TMEM192: variants seen among roughly 807,000 people sequenced by gnomAD.
TMEM192 encodes the protein transmembrane protein 192.
Under a neutral mutation model 26.7 loss-of-function variants are expected in TMEM192, and 20 were observed. The observed-to-expected ratio is 0.75, with a 90% CI of 0.53 to 1.09. The LOEUF is 1.09. Among genes scored for constraint, TMEM192 ranks in the 50% least tolerant of loss-of-function variants. The pLI is 0.00. For synonymous variants in TMEM192, 124 were observed against 121.0 expected, an observed-to-expected ratio of 1.02 and a Z score of -0.16; for missense variants, 304 against 322.6, an observed-to-expected ratio of 0.94 and a Z score of 0.44.
rs141009367 is a variant in TMEM192, at chr4:165,085,681, G to T, written c.582C>A (p.Ile194=). The T allele has an allele frequency of 1.9e-6, 3 of 1,595,080 alleles. No individual in the cohort carries two copies. The African/African-American group carries it at 4.0e-5, about 22-fold the overall frequency. Residue 194 remains isoleucine, a synonymous_variant, in exon 5 of 6, where the codon ATC becomes ATA. Coordinates refer to ENST00000306480, the MANE Select transcript of TMEM192 (RefSeq NM_001100389.2). ...CTGGTTTAGCTTTATTAAATCTCCG[G>T]ATTTTCACTAAAATAATAAAGTCAT... The part of the protein sequence containing the change: ...LICLLIYTVK[I]RRFNKAKPEP...
At chr4:165,098,960 C>T (rs1734977241) in intron 3 of TMEM192, among the ~76,000 whole-genome samples, 1 of 151,968 alleles carries the variant, frequency 6.6e-6, no homozygotes, top group African/African-American at 2.4e-5. Flanking sequence ...CTTCGGCCTC[C>T]CAAAGTGCTG....
intron 4 of TMEM192, among the ~76,000 whole-genome samples, chr4:165,086,614 G>A (rs531289063): frequency 2.6e-5 from 4 of 151,878 alleles, no homozygotes; most frequent in South Asian, 4.2e-4. Context: ...CAGTAGAGAC[G>A]GTGTTTCACC....
chr4:165,080,817 C>T lies in TMEM192; in HGVS notation c.678-1021G>A, dbSNP rs926596178. 3.3e-5 allele frequency among the ~76,000 whole-genome samples: 5 copies of T among 151,976 alleles called. No individual in the cohort carries two copies. In the East Asian group the frequency reaches 7.7e-4, roughly 23 times the overall value. ...GCAACCTGCACCTCCTGGGTTTAAG[C>T]GATTCTCCTGCCTCAGCCTCCCAAG... On this transcript the variant is annotated intron_variant, in intron 5 of 5. Transcript: ENST00000306480.
rs756083102 is a variant in TMEM192, at chr4:165,079,684, G to C, written c.790C>G (p.Leu264Val). ...KRLLALTSSD[L>V]GCQPSRT is the part of the protein sequence containing the mutation. ...CACGTTCTACTTGGCTGACAGCCCAGGTCTGAGGAAGTGAGAGCCAACAAT... is the reference window on the plus strand; with the variant it reads ...CACGTTCTACTTGGCTGACAGCCCACGTCTGAGGAAGTGAGAGCCAACAAT... The change falls in exon 6 of 6, where the codon CTG (leucine) becomes GTG (valine). Residue 264 changes from leucine to valine, a missense_variant. Transcript: ENST00000306480. 8 of 1,613,324 alleles carry C rather than the reference G, an allele frequency of 5.0e-6. No individual in the cohort carries two copies. Among genetic ancestry groups the C allele is most frequent in the African/African-American group, 1.3e-5 (1 of 74,888 alleles).
intron 2 of TMEM192, 47 bp from the exon 3 acceptor site, chr4:165,100,939 A>G (rs1249341501): frequency 4.2e-6 from 6 of 1,441,900 alleles, no homozygotes; most frequent in African/African-American, 1.4e-5. Context: ...ATTTGTAATT[A>G]GGAAGCAATA....
At chr4:165,089,416 G>A (rs1734701741) in intron 3 of TMEM192, among the ~76,000 whole-genome samples, 1 of 152,036 alleles carries the variant, frequency 6.6e-6, no homozygotes. Context: ...CACCTCCCAG[G>A]TTTCACGCCA....
chr4:165,100,902 A>T lies in TMEM192; in HGVS notation c.175-10T>A. On this transcript the variant is annotated splice_polypyrimidine_tract_variant and intron_variant, in intron 2 of 5. Transcript: ENST00000306480. ...AAACAACAAACACGAGCTGGGGGAA[A>T]GGAGAGCAGAAAGATTAATATTCAA... is the stretch of plus-strand genomic sequence containing the variant. 1 of 1,603,534 alleles carries T rather than the reference A, an allele frequency of 6.2e-7. No homozygotes were observed. Among genetic ancestry groups the T allele is most frequent in the Non-Finnish European group, 8.5e-7 (1 of 1,176,010 alleles).
rs750377543 is a variant in TMEM192, at chr4:165,085,626, A to T, written c.637T>A (p.Tyr213Asn). 6.2e-7 allele frequency: 1 copy of T among 1,612,898 alleles called. No individual in the cohort carries two copies. The highest frequency in any genetic ancestry group is 1.1e-5 in the South Asian group (1 of 90,656). Reference sequence around the variant, plus strand: ...GAGGTAATATTGCTGGGGTAAGCATAGATTTTTTCTTCTTCAAGTATATCA... The same window carrying T: ...GAGGTAATATTGCTGGGGTAAGCATTGATTTTTTCTTCTTCAAGTATATCA... ...EPDILEEEKI[Y>N]AYPSNITSET... The change falls in exon 5 of 6, where the codon TAT (tyrosine) becomes AAT (asparagine). Residue 213 changes from tyrosine (Y) to asparagine (N), a missense_variant. Tyr to Asn is a moderately radical substitution (Grantham distance 143). Transcript: ENST00000306480.
In TMEM192 at chr4:165,081,777, ATTC is replaced by A. The variant is rs1417367759; in HGVS notation, c.678-1984_678-1982del. On this transcript the variant is annotated intron_variant, in intron 5 of 5. Transcript: ENST00000306480. The stretch of plus-strand genomic sequence containing the variant: ...AACCTCTGCCTCCCCGGTTCAAGCT[ATTC>A]TTCTGCCTCAGCCTCTAGGATTACA... Among the ~76,000 whole-genome samples the A allele has an allele frequency of 5.5e-5, 2 of 36,242 alleles. 1 individual carries two copies. The highest frequency in any genetic ancestry group is 2.0e-4 in the Non-Finnish European group (2 of 9,910). 23.8% of individuals were successfully genotyped at this position (36,242 alleles called of 152,430 possible).
rs1734380368 is a variant in TMEM192 at position 165,076,308 on chromosome 4, T to C, written c.*3350A>G. ...CTTTCTGCCACACATATTTCCTCCA[T>C]ATTGAACTACCATCTGATCCTGCTG... On this transcript the variant is annotated 3_prime_UTR_variant, in exon 6 of 6. Coordinates refer to ENST00000306480, the MANE Select transcript of TMEM192 (RefSeq NM_001100389.2). 6.6e-6 allele frequency: 1 copy of C among 152,176 alleles called. No homozygotes were observed. Among genetic ancestry groups the C allele is most frequent in the Admixed American group, 6.6e-5 (1 of 15,266 alleles). 9.4% of individuals were successfully genotyped at this position (152,176 alleles called of 1,614,324 possible).
Position 165,089,666 on chromosome 4 carries a change from G to A in TMEM192, c.440-1064C>T, listed in dbSNP as rs1734708435. 2.0e-5 allele frequency among the ~76,000 whole-genome samples: 3 copies of A among 152,154 alleles called. No individual in the cohort carries two copies. The South Asian group carries it at 6.2e-4, about 32-fold the overall frequency. ...TTTTATGGCCTGCTTTGGGAGAGAG[G>A]AGTCTAGTTTCTATGGCCTGCCTTT... is the stretch of plus-strand genomic sequence containing the variant. On this transcript the variant is annotated intron_variant, in intron 3 of 5. Transcript: ENST00000306480.
At chr4:165,088,348 C>A in intron 4 of TMEM192, 120 bp downstream of exon 4, 4 of 871,700 alleles carry the variant, frequency 4.6e-6, no homozygotes, top group Admixed American at 6.2e-5. Flanking sequence ...AAGAAGTCTG[C>A]ATGTGGTCAC....
intron 3 of TMEM192, among the ~76,000 whole-genome samples, chr4:165,093,909 G>GT (rs565651733): frequency 2.0e-3 from 297 of 151,804 alleles, no homozygotes; most frequent in African/African-American, 2.1e-3. Context: ...GTTTTGTTTT[G>GT]TTTTTTTGAG....
At position 165,077,741 on chromosome 4, in the gene TMEM192, T is replaced by G. The variant is rs1341149435; in HGVS notation, c.*1917A>C. ...GCCTGGGCAACAGAGCGAGACTCCG[T>G]CTGAAAAAAAAAGAAAGAAAGAAAG... On this transcript the variant is annotated 3_prime_UTR_variant, in exon 6 of 6. Coordinates refer to ENST00000306480, the MANE Select transcript of TMEM192 (RefSeq NM_001100389.2). 1 of 149,846 alleles carries G rather than the reference T, an allele frequency of 6.7e-6. No homozygotes were observed. The highest frequency in any genetic ancestry group is 2.5e-5 in the African/African-American group (1 of 40,382). The allele number at this position is 149,846 out of a possible 1,614,324, so 9.3% of individuals were successfully genotyped here.
chr4:165,089,882 T>C lies in TMEM192; in HGVS notation c.440-1280A>G, dbSNP rs1161539338. On this transcript the variant is annotated intron_variant, in intron 3 of 5. Transcript: ENST00000306480. ...TCCCAACAGGTATATTTGGTTTTTG[T>C]ATAGAGTTCCTAAAACCCTTGGAAT... Among the ~76,000 whole-genome samples, 3 of 152,180 alleles carry C rather than the reference T, an allele frequency of 2.0e-5. No homozygotes were observed. In the East Asian group the frequency reaches 5.8e-4, roughly 29 times the overall value.
chr4:165,080,410 T>TA (rs1560924926), intron 5 of TMEM192, among the ~76,000 whole-genome samples: 1 of 152,170 alleles, frequency 6.6e-6, no homozygotes, highest in Admixed American at 6.6e-5. Context: ...TTCCTTCCAC[T>TA]AATTTAAGAT....
chr4:165,108,897 C>A (rs978088802), intron 1 of TMEM192, among the ~76,000 whole-genome samples: 14 of 151,976 alleles, frequency 9.2e-5, no homozygotes, highest in African/African-American at 3.4e-4. Flanking sequence ...CTCTGCCTGG[C>A]TTCCCCCTTC....
chr4:165,085,841 G>C (rs565309554), intron 4 of TMEM192, among the ~76,000 whole-genome samples, 153 bp from the exon 5 acceptor site: 7 of 152,282 alleles, frequency 4.6e-5, no homozygotes, highest in African/African-American at 1.7e-4. Context: ...GGAATATAGG[G>C]ATTACATTAG....
At chr4:165,085,709 T>C in intron 4 of TMEM192, 21 bp from the exon 5 acceptor site, 11 of 1,500,486 alleles carry the variant, frequency 7.3e-6, no homozygotes, top group Non-Finnish European at 1.0e-5. Context: ...AAAGTCATTA[T>C]TAGATCGAAT....
Sources: gnomAD v4.1 joint callset for allele counts (sites outside exome capture counted in the v4.1 genomes callset) on GRCh38, gnomAD v4.1.1 for gene constraint, MANE v1.5 for transcripts, NCBI Gene and HGNC (gene_info 2026-07-23, HGNC 2026-07-21) for gene names.